The following EPHA8 variants were observed in gnomAD, a reference collection of about 807,000 sequenced individuals.
The protein encoded by EPHA8 is ephrin type-A receptor 8.
Under a neutral mutation model 103.6 loss-of-function variants are expected in EPHA8, and 58 were observed. That is an observed-to-expected ratio of 0.56 (90% CI 0.45 to 0.70). EPHA8 has a LOEUF of 0.70. EPHA8 is among the 30% of genes least tolerant of loss of function. The probability of loss-of-function intolerance (pLI) is 0.00; values close to 1 mark genes in which losing one functional copy is unlikely to be tolerated. For missense variants in EPHA8, 1,304 were observed against 1,395.2 expected (o/e 0.93, Z 1.04); for synonymous variants, 559 against 572.5 (o/e 0.98, Z 0.34).
In EPHA8 at chr1:22,602,032, G is replaced by A. The variant is rs953363171; in HGVS notation, c.*291G>A. 4.0e-5 allele frequency: 21 copies of A among 530,170 alleles called. No individual in the cohort carries two copies. Among genetic ancestry groups the A allele is most frequent in the South Asian group, 1.5e-4 (6 of 40,788 alleles). 32.8% of individuals were successfully genotyped at this position (530,170 alleles called of 1,614,324 possible). On this transcript the variant is annotated 3_prime_UTR_variant, in exon 17 of 17. Coordinates refer to ENST00000166244, the MANE Select transcript of EPHA8 (RefSeq NM_020526.5). ...ACAGAGTCCAACAGGGACATCACTC[G>A]CCTGCCTCTGTGTGCGTGCATGTGT... is the stretch of plus-strand genomic sequence containing the variant.
At chr1:22,583,800 C>T (rs547709801) in intron 3 of EPHA8, among the ~76,000 whole-genome samples, 5 of 152,184 alleles carry the variant, frequency 3.3e-5, no homozygotes, top group Admixed American at 6.5e-5. Context: ...GTGCTACACC[C>T]GAGCTTCTGC....
intron 7 of EPHA8, among the ~76,000 whole-genome samples, chr1:22,594,877 G>A (rs937856666): frequency 1.3e-5 from 2 of 152,204 alleles, no homozygotes; most frequent in Admixed American, 6.5e-5. Context: ...GGGCTTGAAG[G>A]TACAGCTCTC....
chr1:22,596,661 T>A (rs1267041798), intron 9 of EPHA8, among the ~76,000 whole-genome samples: 2 of 151,790 alleles, frequency 1.3e-5, no homozygotes, highest in East Asian at 1.9e-4. Flanking sequence ...TTTTTTATTT[T>A]TTATTATTTT....
At chr1:22,585,054 C>CGCGCGCGCGCGT (rs1641161705) in intron 3 of EPHA8, among the ~76,000 whole-genome samples, 2 of 80,164 alleles carry the variant, frequency 2.5e-5, no homozygotes, top group African/African-American at 1.1e-4. Context: ...TGTGTGTGCG[C>CGCGCGCGCGCGT]ACGCGTGTGT....
At chr1:22,592,806 A>G (rs940100418) in intron 5 of EPHA8, among the ~76,000 whole-genome samples, 3 of 130,334 alleles carry the variant, frequency 2.3e-5, no homozygotes, top group Non-Finnish European at 4.7e-5. Flanking sequence ...CAGGAGGGAG[A>G]GATGCATGAA....
rs999253678 is a variant in EPHA8, at chr1:22,602,733, C to G, written c.*992C>G. On this transcript the variant is annotated 3_prime_UTR_variant, in exon 17 of 17. Coordinates refer to ENST00000166244, the MANE Select transcript of EPHA8 (RefSeq NM_020526.5). ...GGCCTAGGATCAGGGACCAGAGGAT[C>G]CTATCTTCTCAGCACCCAGCCCACC... 6.6e-6 allele frequency: 1 copy of G among 152,606 alleles called. No homozygotes were observed. Among genetic ancestry groups the G allele is most frequent in the Admixed American group, 6.5e-5 (1 of 15,278 alleles). 9.5% of individuals were successfully genotyped at this position (152,606 alleles called of 1,614,324 possible).
rs115497362 is a variant in EPHA8, at chr1:22,577,217, T to C, written c.823+337T>C. On this transcript the variant is annotated intron_variant, in intron 3 of 16. Coordinates refer to ENST00000166244, the MANE Select transcript of EPHA8 (RefSeq NM_020526.5). ...CTACCCGGATTAGGGAGTGATACCATGGGCTAACTCAGGTCAGACATAGTT... is the reference window on the plus strand; with the variant it reads ...CTACCCGGATTAGGGAGTGATACCACGGGCTAACTCAGGTCAGACATAGTT... Among the ~76,000 whole-genome samples, 985 of 152,288 alleles carry C rather than the reference T, an allele frequency of 6.5e-3. 8 individuals carry two copies. The highest frequency in any genetic ancestry group is 0.025 in the East Asian group (131 of 5,172).
chr1:22,597,243 G>C lies in EPHA8; in HGVS notation c.1766-69G>C. ...CTCACCCCACCCCAGACCCATCCCA[G>C]GCCCAGGGAATGTCAGGAAAAAGCA... On this transcript the variant is annotated intron_variant, in intron 9 of 16. Coordinates refer to ENST00000166244, the MANE Select transcript of EPHA8 (RefSeq NM_020526.5). This position sits in a 1 kb window ranked among gnomAD's most constrained non-coding sequence, Gnocchi z 4.6. 1 of 1,278,800 alleles carries C rather than the reference G, an allele frequency of 7.8e-7. No homozygotes were observed. The highest frequency in any genetic ancestry group is 1.1e-6 in the Non-Finnish European group (1 of 927,228). 79.2% of individuals were successfully genotyped at this position (1,278,800 alleles called of 1,614,324 possible). A position where few individuals can be genotyped will look rare whatever the true frequency, so the allele number is the denominator to read the frequency against.
chr1:22,601,634 C>T lies in EPHA8; in HGVS notation c.2911C>T (p.Arg971Cys), dbSNP rs776890427. ...AGCACCCTTCCTTCACAGGGACGTG[C>T]GCGCCCTGGGCATCACCCTCATGGG... ...MVLRMNAQDVRALGITLMGHQ... is the reference protein window; with the variant it reads ...MVLRMNAQDVCALGITLMGHQ... Residue 971 changes from arginine to cysteine, a missense_variant, in exon 17 of 17, where the codon CGC becomes TGC. Arg to Cys is a radical substitution (Grantham distance 180). Coordinates refer to ENST00000166244, the MANE Select transcript of EPHA8 (RefSeq NM_020526.5). 8.2e-6 allele frequency: 13 copies of T among 1,591,558 alleles called. No homozygotes were observed. Among genetic ancestry groups the T allele is most frequent in the Middle Eastern group, 3.3e-4 (2 of 6,006 alleles).
chr1:22,564,000 G>C lies in EPHA8; in HGVS notation c.94+271G>C, dbSNP rs1388657873. 6.6e-6 allele frequency among the ~76,000 whole-genome samples: 1 copy of C among 151,990 alleles called. No individual in the cohort carries two copies. The highest frequency in any genetic ancestry group is 1.5e-5 in the Non-Finnish European group (1 of 67,984). On this transcript the variant is annotated intron_variant, in intron 1 of 16. Transcript: ENST00000166244. This position sits in a 1 kb window ranked among gnomAD's most constrained non-coding sequence, Gnocchi z 4.4. ...AGGAGACAGGACTGAGGGATGTGCAGCTGGGGACAGAATACTGAGGGTCGG... is the reference window on the plus strand; with the variant it reads ...AGGAGACAGGACTGAGGGATGTGCACCTGGGGACAGAATACTGAGGGTCGG...
chr1:22,565,507 G>A (rs1201578056), intron 1 of EPHA8, among the ~76,000 whole-genome samples: 1 of 152,186 alleles, frequency 6.6e-6, no homozygotes, highest in Admixed American at 6.5e-5. Context: ...GTGGAGGGAA[G>A]GGGACAGTTC....
intron 3 of EPHA8, among the ~76,000 whole-genome samples, chr1:22,578,249 TG>T (rs1477544019): frequency 3.4e-5 from 5 of 146,184 alleles, no homozygotes; most frequent in African/African-American, 1.3e-4. Context: ...TGCATGTGTG[TG>T]TCTGTATACC....
At chr1:22,595,596 A>G (rs1252866529) in intron 8 of EPHA8, among the ~76,000 whole-genome samples, 1 of 152,228 alleles carries the variant, frequency 6.6e-6, no homozygotes, top group African/African-American at 2.4e-5. Flanking sequence ...AGGTCTGTCA[A>G]ACTCAAGCCC....
intron 3 of EPHA8, among the ~76,000 whole-genome samples, chr1:22,580,112 G>A (rs966648599): frequency 6.9e-6 from 1 of 145,764 alleles, no homozygotes; most frequent in African/African-American, 2.6e-5. Context: ...AGGCTCTCTG[G>A]TTTTCTTTCT....
intron 4 of EPHA8, among the ~76,000 whole-genome samples, chr1:22,586,869 A>AT (rs1435173767): frequency 6.6e-6 from 1 of 152,218 alleles, no homozygotes; most frequent in Non-Finnish European, 1.5e-5. Flanking sequence ...GGAGGGCAGA[A>AT]TGGAGCTGGC....
At chr1:22,586,345 C>T (rs1203231400) in intron 3 of EPHA8, 135 bp from the exon 4 acceptor site, 23 of 1,051,902 alleles carry the variant, frequency 2.2e-5, no homozygotes, top group Middle Eastern at 3.2e-4. Flanking sequence ...GAGGGCAGCA[C>T]TGGGCAGTGT....
At chr1:22,578,234 ATG>A (rs1640831970) in intron 3 of EPHA8, among the ~76,000 whole-genome samples, 1 of 88,970 alleles carries the variant, frequency 1.1e-5, no homozygotes, top group African/African-American at 4.4e-5. Context: ...GCATGTGTGT[ATG>A]TGTGCATGTG....
chr1:22,582,633 G>A (rs1281623800), intron 3 of EPHA8, among the ~76,000 whole-genome samples: 2 of 152,194 alleles, frequency 1.3e-5, no homozygotes, highest in Non-Finnish European at 2.9e-5. Flanking sequence ...CACACAGCGA[G>A]GGGTGGTTGA....
At chr1:22,601,516 G>C (rs760917231) in intron 16 of EPHA8, 43 bp downstream of exon 16, 64 of 985,464 alleles carry the variant, frequency 6.5e-5, no homozygotes, top group Non-Finnish European at 8.2e-5. Flanking sequence ...TGTGGGGGCA[G>C]GGGGGGGGAC....
Sources: gnomAD v4.1 joint callset for allele counts (sites outside exome capture counted in the v4.1 genomes callset) on GRCh38, gnomAD v4.1.1 for gene constraint, Gnocchi (gnomAD v3.1) non-coding constraint, MANE v1.5 for transcripts, NCBI Gene and HGNC (gene_info 2026-07-23, HGNC 2026-07-21) for gene names.